THADA: variants seen among roughly 807,000 people sequenced by gnomAD.
THADA encodes the protein tRNA (32-2'-O)-methyltransferase regulator THADA.
Under a neutral mutation model 219.8 loss-of-function variants are expected in THADA, and 213 were observed. That is an observed-to-expected ratio of 0.97 (90% CI 0.87 to 1.09). The LOEUF is 1.09. THADA is among the 50% of genes least tolerant of loss of function. The pLI, the probability that THADA is intolerant of heterozygous loss-of-function variation, is 0.00. For synonymous variants in THADA, 1,018 were observed against 828.9 expected (o/e 1.23, Z -3.92); for missense variants, 2,956 against 2,311.3 (o/e 1.28, Z -5.72).
intron 26 of THADA, among the ~76,000 whole-genome samples, chr2:43,473,628 T>C (rs1352002930): frequency 6.6e-6 from 1 of 152,102 alleles, no homozygotes; most frequent in Non-Finnish European, 1.5e-5. Flanking sequence ...CTTTTTTTTT[T>C]GAGACAGAGT....
intron 26 of THADA, among the ~76,000 whole-genome samples, chr2:43,450,217 T>C (rs774643006): frequency 1.3e-5 from 2 of 152,176 alleles, no homozygotes; most frequent in Non-Finnish European, 2.9e-5. Flanking sequence ...AAACTATTAT[T>C]AGATTAAAAA....
intron 22 of THADA, among the ~76,000 whole-genome samples, chr2:43,515,098 TATATA>T (rs1691272339): frequency 6.5e-5 from 2 of 30,764 alleles, no homozygotes; most frequent in African/African-American, 1.1e-4. Flanking sequence ...ATATATATTA[TATATA>T]ATATATTTTA....
intron 26 of THADA, among the ~76,000 whole-genome samples, chr2:43,449,505 C>A (rs1027339985): frequency 1.3e-5 from 2 of 152,000 alleles, no homozygotes; most frequent in Non-Finnish European, 2.9e-5. Flanking sequence ...TAAAAAAGAC[C>A]CACACACATT....
chr2:43,371,908 A>G (rs1248604882), intron 29 of THADA: 3 of 152,090 alleles, frequency 2.0e-5, no homozygotes, highest in African/African-American at 7.2e-5. Flanking sequence ...CCACTGTTTA[A>G]ATATCTACTC....
At chr2:43,394,287 A>G (rs1673759485) in intron 29 of THADA, among the ~76,000 whole-genome samples, 1 of 152,214 alleles carries the variant, frequency 6.6e-6, no homozygotes, top group Non-Finnish European at 1.5e-5. Context: ...TGCATGTGCT[A>G]TAATTTGAGT....
At chr2:43,385,606 C>CAAAAAAA (rs532857816) in intron 29 of THADA, among the ~76,000 whole-genome samples, 137 of 49,200 alleles carry the variant, frequency 2.8e-3, no homozygotes, top group Non-Finnish European at 3.1e-3. Context: ...GACTCCGTCT[C>CAAAAAAA]AAAAAAAAAA....
intron 30 of THADA, chr2:43,343,722 T>C (rs980777911): frequency 3.8e-5 from 6 of 156,810 alleles, no homozygotes; most frequent in Admixed American, 3.1e-4. Context: ...ACCCTATCTG[T>C]CCCTCAGTGC....
At chr2:43,351,433 T>G (rs1032007531) in intron 29 of THADA, among the ~76,000 whole-genome samples, 1 of 152,102 alleles carries the variant, frequency 6.6e-6, no homozygotes, top group Admixed American at 6.5e-5. Flanking sequence ...GAAATTCCAT[T>G]AATAAAGTAA....
chr2:43,545,437 T>G (rs1695894861), intron 20 of THADA, among the ~76,000 whole-genome samples: 1 of 151,732 alleles, frequency 6.6e-6, no homozygotes, highest in South Asian at 2.1e-4. Flanking sequence ...TGGAATAGTT[T>G]CAGAAGGAAT....
At chr2:43,270,405 T>C (rs1167578672) in intron 36 of THADA, among the ~76,000 whole-genome samples, 1 of 152,132 alleles carries the variant, frequency 6.6e-6, no homozygotes, top group Non-Finnish European at 1.5e-5. Context: ...CAGGGCACAC[T>C]CTGGTATCTC....
chr2:43,503,544 G>C (rs910197149), intron 24 of THADA, among the ~76,000 whole-genome samples: 1 of 152,046 alleles, frequency 6.6e-6, no homozygotes, highest in East Asian at 1.9e-4. Context: ...AGGAATAAAC[G>C]GGAATGAGAT....
chr2:43,447,221 C>T (rs1348241680), intron 26 of THADA, among the ~76,000 whole-genome samples: 4 of 152,206 alleles, frequency 2.6e-5, no homozygotes, highest in East Asian at 1.9e-4. Flanking sequence ...TTCCGTCCTA[C>T]GATGCATGGG....
At chr2:43,432,296 C>T (rs919014571) in intron 26 of THADA, among the ~76,000 whole-genome samples, 5 of 152,250 alleles carry the variant, frequency 3.3e-5, no homozygotes, top group African/African-American at 9.6e-5. Context: ...AGCAATAATA[C>T]GTTTTTTTGG....
At chr2:43,345,331 G>C (rs556819431) in intron 29 of THADA, among the ~76,000 whole-genome samples, 66 of 152,350 alleles carry the variant, frequency 4.3e-4, no homozygotes, top group African/African-American at 1.6e-3. Flanking sequence ...TAAATGGGTA[G>C]ACTGGCAGGT....
In THADA at chr2:43,581,809, G is replaced by C. The variant is rs776254069; in HGVS notation, c.653C>G (p.Thr218Ser). Residue 218 changes from threonine (T) to serine (S), a missense_variant, in exon 8 of 38, where the codon ACT becomes AGT. Coordinates refer to ENST00000405975, the MANE Select transcript of THADA (RefSeq NM_022065.5). ...ATTTTGCCATATGGGAGAATCGGAA[G>C]TCTTCCAAAGATTTCCCTGGAAATC... is the stretch of plus-strand genomic sequence containing the variant. ...VQDFQGNLWK[T>S]SDSPIWQNMC... 55 of 1,612,812 alleles carry C rather than the reference G, an allele frequency of 3.4e-5. No individual in the cohort carries two copies. The highest frequency in any genetic ancestry group is 1.7e-6 in the Non-Finnish European group (2 of 1,179,696).
chr2:43,505,752 C>T lies in THADA; in HGVS notation c.3508-17G>A, dbSNP rs1689594532. ...CAACAGTGCCTATGGAAAAAGAATG[C>T]AAAAATTAACAGGGTTCTTAGTTTA... On this transcript the variant is annotated splice_polypyrimidine_tract_variant and intron_variant, in intron 23 of 37. Transcript: ENST00000405975. 6.6e-7 allele frequency: 1 copy of T among 1,522,696 alleles called. No homozygotes were observed. 94.3% of individuals were successfully genotyped at this position (1,522,696 alleles called of 1,614,324 possible).
chr2:43,406,800 C>T (rs1675587426), intron 28 of THADA, among the ~76,000 whole-genome samples: 1 of 152,168 alleles, frequency 6.6e-6, no homozygotes, highest in Non-Finnish European at 1.5e-5. Flanking sequence ...TACTGTTCTC[C>T]TCATGCAACA....
intron 22 of THADA, among the ~76,000 whole-genome samples, chr2:43,525,539 C>T (rs777463397): frequency 1.3e-5 from 2 of 152,162 alleles, no homozygotes; most frequent in Non-Finnish European, 2.9e-5. Context: ...CCCAAGACTA[C>T]CATGCTGGGG....
intron 29 of THADA, among the ~76,000 whole-genome samples, chr2:43,397,525 G>A (rs1183779571): frequency 6.6e-6 from 1 of 151,910 alleles, no homozygotes; most frequent in East Asian, 1.9e-4. Flanking sequence ...ATACTTCCAC[G>A]TACTAAGGTG....
Sources: allele counts gnomAD v4.1 joint callset (sites outside exome capture counted in the v4.1 genomes callset), GRCh38; gene constraint gnomAD v4.1.1; transcripts MANE v1.5; gene names NCBI Gene and HGNC (gene_info 2026-07-23, HGNC 2026-07-21).